SLC15A5: variants seen among roughly 807,000 people sequenced by gnomAD.
SLC15A5 encodes the protein solute carrier family 15 member 5.
In SLC15A5, 58 loss-of-function variants were observed where a neutral mutation model predicts 56.1. The ratio of observed to expected loss-of-function variants is 1.03; its 90% confidence interval spans 0.84 to 1.29. The LOEUF is 1.29. SLC15A5 is among the 50% of genes most tolerant of loss of function. The probability of loss-of-function intolerance (pLI) is 0.00; values close to 1 mark genes in which losing one functional copy is unlikely to be tolerated. For synonymous variants in SLC15A5, 264 were observed against 250.5 expected (o/e 1.05, Z -0.51); for missense variants, 681 against 672.1 (o/e 1.01, Z -0.15).
At chr12:16,229,582 G>A (rs932735862) in intron 5 of SLC15A5, among the ~76,000 whole-genome samples, 9 of 149,636 alleles carry the variant, frequency 6.0e-5, no homozygotes, top group African/African-American at 1.7e-4. Flanking sequence ...ATCTAAGTTT[G>A]TTTTGTTTAT....
intron 6 of SLC15A5, among the ~76,000 whole-genome samples, chr12:16,222,883 GAGA>G (rs1864201373): frequency 6.6e-6 from 1 of 152,150 alleles, no homozygotes. Flanking sequence ...AATAACATCA[GAGA>G]AGATCACAAA....
Position 16,235,784 on chromosome 12 carries a change from A to G in SLC15A5, c.1162+3897T>C, listed in dbSNP as rs563744729. 1.3e-5 allele frequency among the ~76,000 whole-genome samples: 2 copies of G among 152,272 alleles called. No individual in the cohort carries two copies. The highest frequency in any genetic ancestry group is 4.1e-4 in the South Asian group (2 of 4,826). On this transcript the variant is annotated intron_variant, in intron 5 of 8. Coordinates refer to ENST00000344941, the MANE Select transcript of SLC15A5 (RefSeq NM_001170798.1). The surrounding 1 kb of genome is among the most constrained non-coding windows in gnomAD (Gnocchi z 4.1). Reference sequence around the variant, plus strand: ...TTTCCCTGAGATAATTGTACTTGCAATGAAAATAACTGGATCCTTGACTTG... The same window carrying G: ...TTTCCCTGAGATAATTGTACTTGCAGTGAAAATAACTGGATCCTTGACTTG...
At chr12:16,268,580 T>C (rs555797868) in intron 2 of SLC15A5, among the ~76,000 whole-genome samples, 18 of 152,350 alleles carry the variant, frequency 1.2e-4, no homozygotes, top group African/African-American at 4.3e-4. Context: ...TTGAAGAGTA[T>C]ATGTAGATTT....
chr12:16,239,616 C>G (rs1864391249), intron 5 of SLC15A5, 65 bp downstream of exon 5: 2 of 1,453,658 alleles, frequency 1.4e-6, no homozygotes, highest in Non-Finnish European at 1.8e-6. Context: ...TAGTTCGGAT[C>G]TTAGCAGAAT....
At chr12:16,205,261 C>T (rs1222129337) in intron 7 of SLC15A5, among the ~76,000 whole-genome samples, 5 of 151,684 alleles carry the variant, frequency 3.3e-5, no homozygotes, top group Admixed American at 6.6e-5. Context: ...AAATATTATG[C>T]TAAGGGCTGA....
chr12:16,208,619 A>G (rs1027991187), intron 7 of SLC15A5, among the ~76,000 whole-genome samples: 3 of 152,140 alleles, frequency 2.0e-5, no homozygotes, highest in Non-Finnish European at 4.4e-5. Flanking sequence ...GTGAGCTATG[A>G]TCATGCCACT....
At chr12:16,239,895 A>G in intron 4 of SLC15A5, 28 bp from the exon 5 acceptor site, 1 of 1,524,358 alleles carries the variant, frequency 6.6e-7, no homozygotes, top group South Asian at 1.2e-5. Context: ...ACATCCATGC[A>G]TTAAGACAGG....
chr12:16,242,349 T>C (rs549688962), intron 4 of SLC15A5, among the ~76,000 whole-genome samples: 1 of 152,252 alleles, frequency 6.6e-6, no homozygotes, highest in South Asian at 2.1e-4. Context: ...AATTTTGGAA[T>C]CTATGTAGTT....
Position 16,271,721 on chromosome 12 carries a change from A to C in SLC15A5, c.584+840T>G, listed in dbSNP as rs751535189. Among the ~76,000 whole-genome samples, 1 of 152,216 alleles carries C rather than the reference A, an allele frequency of 6.6e-6. No individual in the cohort carries two copies. Among genetic ancestry groups the C allele is most frequent in the Non-Finnish European group, 1.5e-5 (1 of 68,042 alleles). On this transcript the variant is annotated intron_variant, in intron 2 of 8. Coordinates refer to ENST00000344941, the MANE Select transcript of SLC15A5 (RefSeq NM_001170798.1). This position sits in a 1 kb window ranked among gnomAD's most constrained non-coding sequence, Gnocchi z 8.0. ...TTTGACATCCACTGATAGATAACAA[A>C]GAATAACAAAGAAGTTTTATACTAA...
rs562154894 is a variant in SLC15A5 at position 16,274,328 on chromosome 12, T to C, written c.362-1545A>G. On this transcript the variant is annotated intron_variant, in intron 1 of 8. Transcript: ENST00000344941. ...CTTCATTCATACTAGTTAGCATCAT[T>C]AATTTTTTTGTTTTGATGATTCGAT... 2.6e-5 allele frequency among the ~76,000 whole-genome samples: 4 copies of C among 152,242 alleles called. No homozygotes were observed. The South Asian group carries it at 8.3e-4, about 32-fold the overall frequency.
chr12:16,216,965 G>T lies in SLC15A5; in HGVS notation c.1411C>A (p.Leu471Met), dbSNP rs1207528910. The T allele has an allele frequency of 6.5e-7, 1 of 1,536,842 alleles. No individual in the cohort carries two copies. Among genetic ancestry groups the T allele is most frequent in the South Asian group, 1.2e-5 (1 of 84,046 alleles). ...SNVRGTSMNF[L>M]TLFNGFGCFT... Reference sequence around the variant, plus strand: ...CAGCCAAATCCATTGAACAGTGTCAGAAAATTCATGGAGGTTCCTCTGACA... The same window carrying T: ...CAGCCAAATCCATTGAACAGTGTCATAAAATTCATGGAGGTTCCTCTGACA... The change falls in exon 7 of 9, where the codon CTG becomes ATG. Residue 471 changes from leucine (L) to methionine (M), a missense_variant. Coordinates refer to ENST00000344941, the MANE Select transcript of SLC15A5 (RefSeq NM_001170798.1).
At chr12:16,260,603 G>C (rs944199225) in intron 2 of SLC15A5, among the ~76,000 whole-genome samples, 5 of 151,210 alleles carry the variant, frequency 3.3e-5, no homozygotes, top group African/African-American at 1.2e-4. Context: ...TATAATCTGG[G>C]GTTTTCCTTT....
chr12:16,247,734 C>A, intron 3 of SLC15A5, among the ~76,000 whole-genome samples: 1 of 152,054 alleles, frequency 6.6e-6, no homozygotes, highest in East Asian at 1.9e-4. Context: ...GGGAAGATTG[C>A]GGGGAGATGA....
chr12:16,194,623 A>AAAAT (rs137877150), intron 7 of SLC15A5, among the ~76,000 whole-genome samples, 170 bp from the exon 8 acceptor site: 3,336 of 152,196 alleles, frequency 0.022, 117 homozygotes, highest in African/African-American at 0.073. Context: ...AATTAATAGT[A>AAAAT]AAATGATAAG....
At position 16,267,310 on chromosome 12, in the gene SLC15A5, G is replaced by A. The variant is rs930917863; in HGVS notation, c.584+5251C>T. Among the ~76,000 whole-genome samples, 8 of 113,680 alleles carry A rather than the reference G, an allele frequency of 7.0e-5. 3 individuals carry two copies. Among genetic ancestry groups the A allele is most frequent in the African/African-American group, 2.7e-4 (8 of 29,236 alleles). The allele number at this position is 113,680 out of a possible 152,430, so 74.6% of individuals were successfully genotyped here. On this transcript the variant is annotated intron_variant, in intron 2 of 8. Coordinates refer to ENST00000344941, the MANE Select transcript of SLC15A5 (RefSeq NM_001170798.1). ...AAAACTGAACTGTTTAGAGGAGTCA[G>A]TGAAATAAAATACTTGGGCACCGAT...
Position 16,269,051 on chromosome 12 carries a change from G to A in SLC15A5, c.584+3510C>T, listed in dbSNP as rs914653512. ...GTGAAGACACAGTGAGAAGCCAGCA[G>A]TCTTACAGCCAGGAAGAGAACCCTC... is the stretch of plus-strand genomic sequence containing the variant. On this transcript the variant is annotated intron_variant, in intron 2 of 8. Coordinates refer to ENST00000344941, the MANE Select transcript of SLC15A5 (RefSeq NM_001170798.1). This position sits in a 1 kb window ranked among gnomAD's most constrained non-coding sequence, Gnocchi z 4.7. Among the ~76,000 whole-genome samples, 2 of 151,744 alleles carry A rather than the reference G, an allele frequency of 1.3e-5. No homozygotes were observed. Among genetic ancestry groups the A allele is most frequent in the African/African-American group, 2.4e-5 (1 of 41,294 alleles).
Position 16,216,976 on chromosome 12 carries a change from G to A in SLC15A5, c.1400C>T (p.Ser467Phe), listed in dbSNP as rs1172947129. The A allele has an allele frequency of 1.1e-5, 17 of 1,536,778 alleles. No individual in the cohort carries two copies. Among genetic ancestry groups the A allele is most frequent in the Admixed American group, 2.0e-5 (1 of 50,954 alleles). The change falls in exon 7 of 9, where the codon TCC (serine) becomes TTC (phenylalanine). Residue 467 changes from serine to phenylalanine, a missense_variant. Physicochemically the swap from Ser to Phe is radical, Grantham distance 155. Coordinates refer to ENST00000344941, the MANE Select transcript of SLC15A5 (RefSeq NM_001170798.1). ...RFVPSNVRGTSMNFLTLFNGF... is the reference protein window; with the variant it reads ...RFVPSNVRGTFMNFLTLFNGF... ...ATTGAACAGTGTCAGAAAATTCATG[G>A]AGGTTCCTCTGACATTGCTTGGAAC...
At chr12:16,241,076 G>GT (rs1864410296) in intron 4 of SLC15A5, among the ~76,000 whole-genome samples, 1 of 152,174 alleles carries the variant, frequency 6.6e-6, no homozygotes, top group African/African-American at 2.4e-5. Context: ...GCCTCTCAAA[G>GT]TGCTGGGATT....
chr12:16,264,971 T>C (rs1353155540), intron 2 of SLC15A5, among the ~76,000 whole-genome samples: 1 of 152,176 alleles, frequency 6.6e-6, no homozygotes, highest in African/African-American at 2.4e-5. Context: ...GGATGAAATA[T>C]TAGAAGAAAA....
Sources: allele counts gnomAD v4.1 joint callset (sites outside exome capture counted in the v4.1 genomes callset), GRCh38; gene constraint gnomAD v4.1.1; non-coding constraint Gnocchi (gnomAD v3.1); transcripts MANE v1.5; gene names NCBI Gene and HGNC (gene_info 2026-07-23, HGNC 2026-07-21).